The following SLC25A26 variants were observed in gnomAD, a reference collection of about 807,000 sequenced individuals.
SLC25A26 encodes mitochondrial S-adenosylmethionine carrier protein.
A neutral mutation model predicts 37.8 loss-of-function variants in SLC25A26; 36 were observed. The ratio of observed to expected loss-of-function variants is 0.95; its 90% CI spans 0.73 to 1.26. The LOEUF is 1.26. Among genes scored for constraint, SLC25A26 ranks in the 50% most tolerant of loss-of-function variants. The pLI is 0.00. For synonymous variants in SLC25A26, 129 were observed against 122.5 expected, an observed-to-expected ratio of 1.05 and a Z score of -0.35; for missense variants, 390 against 331.1, an observed-to-expected ratio of 1.18 and a Z score of -1.38.
chr3:66,271,213 A>G (rs78897295), intron 5 of SLC25A26, among the ~76,000 whole-genome samples: 1,696 of 152,242 alleles, frequency 0.011, 35 homozygotes, highest in African/African-American at 0.039. Flanking sequence ...TCGTGAGTCC[A>G]TTTGGATTGC....
At chr3:66,209,653 G>GAT (rs1174565386) in intron 1 of SLC25A26, among the ~76,000 whole-genome samples, 3 of 131,486 alleles carry the variant, frequency 2.3e-5, no homozygotes, top group Admixed American at 8.3e-5. Flanking sequence ...ACCTTTTATA[G>GAT]ATATATATAA....
intron 1 of SLC25A26, among the ~76,000 whole-genome samples, chr3:66,151,851 G>A (rs1222859578): frequency 6.6e-6 from 1 of 152,254 alleles, no homozygotes; most frequent in African/African-American, 2.4e-5. Flanking sequence ...CAAATAGACA[G>A]TGAGCTTTTT....
At chr3:66,136,171 T>G (rs988587119) in intron 1 of SLC25A26, among the ~76,000 whole-genome samples, 1 of 152,228 alleles carries the variant, frequency 6.6e-6, no homozygotes, top group Admixed American at 6.5e-5. Flanking sequence ...TGTGTCTACT[T>G]GCAAATTTAT....
At chr3:66,152,283 C>T (rs1275743964) in intron 1 of SLC25A26, among the ~76,000 whole-genome samples, 1 of 152,180 alleles carries the variant, frequency 6.6e-6, no homozygotes, top group East Asian at 1.9e-4. Flanking sequence ...AGTAGCAAGA[C>T]TCTTAGCAAT....
At chr3:66,204,155 G>T (rs934008852) in intron 1 of SLC25A26, among the ~76,000 whole-genome samples, 18 of 152,172 alleles carry the variant, frequency 1.2e-4, no homozygotes, top group African/African-American at 4.3e-4. Flanking sequence ...GCCGGGCGCG[G>T]TGGCTCACGC....
intron 5 of SLC25A26, among the ~76,000 whole-genome samples, chr3:66,342,215 G>A (rs2076224972): frequency 6.6e-6 from 1 of 152,126 alleles, no homozygotes. Context: ...ATTCCATGCT[G>A]TTCTTCAACT....
intron 5 of SLC25A26, among the ~76,000 whole-genome samples, chr3:66,345,509 A>C (rs971961297): frequency 2.8e-3 from 239 of 84,670 alleles, no homozygotes; most frequent in African/African-American, 4.4e-3. Flanking sequence ...CCTACCCTCT[A>C]CCTCCCTGCT....
At chr3:66,202,932 A>G (rs2071129145) in intron 1 of SLC25A26, among the ~76,000 whole-genome samples, 3 of 152,214 alleles carry the variant, frequency 2.0e-5, no homozygotes, top group Admixed American at 6.5e-5. Flanking sequence ...TTTAAAACGT[A>G]AAATTATACA....
In SLC25A26 at chr3:66,194,263, G is replaced by A. The variant is rs989571114; in HGVS notation, c.-353-26479G>A. 5.4e-4 allele frequency among the ~76,000 whole-genome samples: 82 copies of A among 152,270 alleles called. No homozygotes were observed. In the East Asian group the frequency reaches 9.1e-3, roughly 17 times the overall value. The stretch of plus-strand genomic sequence containing the variant: ...TGCTCATTGTGTATTTATTCTCAGG[G>A]TGGACTGAAGTTTTTCCTTGCTGGA... On this transcript the variant is annotated intron_variant, in intron 1 of 10. Coordinates refer to the SLC25A26 transcript ENST00000676754.
At chr3:66,183,366 A>G (rs1031421775) in intron 1 of SLC25A26, among the ~76,000 whole-genome samples, 1 of 151,654 alleles carries the variant, frequency 6.6e-6, no homozygotes, top group African/African-American at 2.4e-5. Flanking sequence ...CACCCTCACA[A>G]TGAACTTGTC....
intron 1 of SLC25A26, among the ~76,000 whole-genome samples, chr3:66,229,092 A>G (rs1200926421): frequency 2.0e-5 from 3 of 152,184 alleles, no homozygotes; most frequent in Non-Finnish European, 2.9e-5. Context: ...TAGTATTTGC[A>G]TGTCAGTATT....
At chr3:66,159,404 G>A (rs1049839726) in intron 1 of SLC25A26, among the ~76,000 whole-genome samples, 19 of 152,144 alleles carry the variant, frequency 1.2e-4, no homozygotes, top group African/African-American at 4.6e-4. Flanking sequence ...TTACAGACTG[G>A]AAGAAAATAG....
At chr3:66,235,893 A>C (rs951326847) in intron 1 of SLC25A26, among the ~76,000 whole-genome samples, 4 of 152,028 alleles carry the variant, frequency 2.6e-5, no homozygotes, top group African/African-American at 9.7e-5. Context: ...TTTTTTCTGA[A>C]GTTTATTTGT....
chr3:66,184,487 C>T (rs2070777155), intron 1 of SLC25A26, among the ~76,000 whole-genome samples: 1 of 91,246 alleles, frequency 1.1e-5, no homozygotes, highest in Admixed American at 9.2e-5. Context: ...GACCCTGACA[C>T]TCACAGTGAC....
intron 5 of SLC25A26, among the ~76,000 whole-genome samples, chr3:66,288,333 A>G (rs2074583989): frequency 6.6e-6 from 1 of 152,054 alleles, no homozygotes; most frequent in South Asian, 2.1e-4. Context: ...TTTTTTTTAA[A>G]AAAATTAAAC....
intron 1 of SLC25A26, among the ~76,000 whole-genome samples, chr3:66,136,599 C>T (rs2069950285): frequency 6.6e-6 from 1 of 152,178 alleles, no homozygotes; most frequent in South Asian, 2.1e-4. Context: ...CCAGTTGATG[C>T]TTATATTTCC....
intron 1 of SLC25A26, among the ~76,000 whole-genome samples, chr3:66,191,744 G>A (rs916888969): frequency 5.2e-4 from 79 of 151,860 alleles, no homozygotes; most frequent in Non-Finnish European, 2.5e-4. Context: ...ACAGAAATTA[G>A]CCAGGCAGTA....
chr3:66,206,881 T>C (rs1295438480), intron 1 of SLC25A26, among the ~76,000 whole-genome samples: 1 of 149,920 alleles, frequency 6.7e-6, no homozygotes, highest in Non-Finnish European at 1.5e-5. Flanking sequence ...CCCTGGCTAA[T>C]TTTTCTTTCT....
At chr3:66,317,373 A>C (rs1159181608) in intron 5 of SLC25A26, among the ~76,000 whole-genome samples, 2 of 152,024 alleles carry the variant, frequency 1.3e-5, no homozygotes, top group Admixed American at 1.3e-4. Context: ...CTGTAGGACT[A>C]CTGCAGTGTG....
Sources: gnomAD v4.1 joint callset for allele counts (sites outside exome capture counted in the v4.1 genomes callset) on GRCh38, gnomAD v4.1.1 for gene constraint, MANE v1.5 for transcripts, NCBI Gene and HGNC (gene_info 2026-07-23, HGNC 2026-07-21) for gene names.